Variants in PRSS55 observed in about 807,000 individuals in gnomAD.
PRSS55 encodes probable serine protease UNQ9391/PRO34284.
Under a neutral mutation model 23.6 loss-of-function variants are expected in PRSS55, and 41 were observed. The ratio of observed to expected loss-of-function variants is 1.74; its 90% CI spans 1.35 to 2.26. The LOEUF is 2.26. Ranked by LOEUF, PRSS55 falls within the 30% of genes most tolerant of loss-of-function variation. The pLI, the probability that PRSS55 is intolerant of heterozygous loss-of-function variation, is 0.00. For synonymous variants in PRSS55, 262 were observed against 175.5 expected (o/e 1.49, Z -3.90); for missense variants, 669 against 439.1 (o/e 1.52, Z -4.68).
chr8:10,526,490 G>T (rs1372413799), intron 1 of PRSS55, among the ~76,000 whole-genome samples: 1 of 152,246 alleles, frequency 6.6e-6, no homozygotes, highest in Non-Finnish European at 1.5e-5. Flanking sequence ...ACTGCACTCT[G>T]TGTGAACAAG....
At chr8:10,541,748 C>T (rs574356671), downstream of PRSS55, among the ~76,000 whole-genome samples, 182 of 152,212 alleles carry the variant, frequency 1.2e-3, 1 homozygote, top group Non-Finnish European at 2.2e-3. Flanking sequence ...GAGGTGGAAG[C>T]AATGTTGCTG....
At chr8:10,538,433 C>G in intron 4 of PRSS55, 43 bp from the exon 5 acceptor site, 1 of 1,491,972 alleles carries the variant, frequency 6.7e-7, no homozygotes, top group Non-Finnish European at 9.2e-7. Flanking sequence ...AGATGGGCAG[C>G]TTAGAACCGG....
chr8:10,535,712 G>A (rs765304932), intron 4 of PRSS55, among the ~76,000 whole-genome samples: 4 of 152,030 alleles, frequency 2.6e-5, no homozygotes, highest in East Asian at 1.9e-4. Context: ...AAAATAAAAC[G>A]TTGGCCCAAT....
Position 10,538,694 on chromosome 8 carries a change from G to A in PRSS55, c.960G>A (p.Met320Ile), listed in dbSNP as rs1045104569. ...GGACTTCTGTCAAACAGAAACCTAT[G>A]GGCTCCCCAGTCTCGGGAGTCCCAG... ...KRRTSVKQKPMGSPVSGVPEP... is the reference protein window; with the variant it reads ...KRRTSVKQKPIGSPVSGVPEP... The change falls in exon 5 of 5, where the codon ATG becomes ATA. Residue 320 changes from methionine (M) to isoleucine (I), a missense_variant. Coordinates refer to ENST00000328655, the MANE Select transcript of PRSS55 (RefSeq NM_198464.4). 1 of 1,614,072 alleles carries A rather than the reference G, an allele frequency of 6.2e-7. No homozygotes were observed. The highest frequency in any genetic ancestry group is 1.3e-5 in the African/African-American group (1 of 74,930).
At chr8:10,545,504 C>T (rs970996888) in intron 4 of PRSS55, among the ~76,000 whole-genome samples, 4 of 152,168 alleles carry the variant, frequency 2.6e-5, no homozygotes, top group Non-Finnish European at 4.4e-5. Flanking sequence ...ATGCTTATCT[C>T]TTCTTGGGCC....
intron 2 of PRSS55, 41 bp downstream of exon 2, chr8:10,529,740 C>T (rs780717211): frequency 1.7e-4 from 265 of 1,581,202 alleles, no homozygotes; most frequent in Non-Finnish European, 2.2e-4. Context: ...CTCAGGGCGC[C>T]CACCCCTGGG....
chr8:10,528,230 G>C (rs552438845), intron 1 of PRSS55, among the ~76,000 whole-genome samples: 1 of 150,052 alleles, frequency 6.7e-6, no homozygotes, highest in Non-Finnish European at 1.5e-5. Flanking sequence ...GTCCCGAAGA[G>C]AGCCTTTATG....
chr8:10,546,591 C>A (rs1585894338), intron 4 of PRSS55, among the ~76,000 whole-genome samples: 1 of 152,190 alleles, frequency 6.6e-6, no homozygotes, highest in Admixed American at 6.5e-5. Context: ...AGCCACGGTG[C>A]TCCTGTTGCC....
intron 4 of PRSS55, chr8:10,553,846 G>T (rs930498611): frequency 1.3e-5 from 10 of 748,536 alleles, no homozygotes; most frequent in Non-Finnish European, 2.1e-5. Context: ...TTTAATTGGA[G>T]TAACCATTTC....
rs1264479260 is a variant in PRSS55 at position 10,533,111 on chromosome 8, G to A, written c.741+63G>A. The A allele has an allele frequency of 2.6e-6, 4 of 1,542,282 alleles. No individual in the cohort carries two copies. The East Asian group carries it at 9.0e-5, about 35-fold the overall frequency. ...CACCCTCTGGGAACTGCCAGTGCAA[G>A]GGTATTCTCTCTCTGCTGCAAATAG... is the stretch of plus-strand genomic sequence containing the variant. On this transcript the variant is annotated intron_variant, in intron 4 of 4. Transcript: ENST00000328655.
intron 1 of PRSS55, among the ~76,000 whole-genome samples, chr8:10,528,387 A>C (rs948736349): frequency 4.6e-5 from 7 of 152,218 alleles, no homozygotes; most frequent in African/African-American, 1.7e-4. Context: ...ATAAGCAGCA[A>C]GAAAGAGACA....
chr8:10,554,083 C>T (rs1813009848), exon 5 of PRSS55: 10 of 1,216,718 alleles, frequency 8.2e-6, no homozygotes, highest in Non-Finnish European at 1.1e-5. Context: ...GAAAACATAC[C>T]CTTGGGCATA....
chr8:10,531,811 T>G, intron 3 of PRSS55: 1 of 486,868 alleles, frequency 2.1e-6, no homozygotes, highest in South Asian at 2.6e-5. Context: ...ACTCTGCAGT[T>G]AGCCAGAGGC....
chr8:10,532,181 G>A (rs1057447242), intron 3 of PRSS55, among the ~76,000 whole-genome samples: 7 of 152,184 alleles, frequency 4.6e-5, no homozygotes, highest in African/African-American at 1.4e-4. Flanking sequence ...GCGAGCCTGG[G>A]CCTGGACAAC....
intron 4 of PRSS55, among the ~76,000 whole-genome samples, chr8:10,551,942 T>C (rs1330758366): frequency 2.0e-5 from 3 of 152,184 alleles, no homozygotes; most frequent in African/African-American, 4.8e-5. Context: ...AAAGAGGCAG[T>C]TAAACGACAG....
intron 1 of PRSS55, among the ~76,000 whole-genome samples, chr8:10,528,782 C>T (rs1004866881): frequency 2.6e-5 from 4 of 152,246 alleles, no homozygotes; most frequent in Non-Finnish European, 5.9e-5. Flanking sequence ...CCTTCTGGGG[C>T]TGAATTCAGG....
chr8:10,536,172 G>A (rs34356138), intron 4 of PRSS55, among the ~76,000 whole-genome samples: 28,606 of 152,076 alleles, frequency 0.19, 2,917 homozygotes, highest in East Asian at 0.33. Context: ...GGGTGACAGA[G>A]CGAGACTCTG....
chr8:10,532,794 A>G, intron 3 of PRSS55, 112 bp from the exon 4 acceptor site: 1 of 1,351,088 alleles, frequency 7.4e-7, no homozygotes, highest in Non-Finnish European at 1.0e-6. Context: ...GAGCCTGTGA[A>G]GGAAGGGGAT....
At chr8:10,532,815 G>A (rs1318155222) in intron 3 of PRSS55, 91 bp from the exon 4 acceptor site, 8 of 1,523,920 alleles carry the variant, frequency 5.2e-6, no homozygotes, top group Non-Finnish European at 6.3e-6. Flanking sequence ...GGGGGCTGGG[G>A]GACACAGGGC....
Sources: allele counts gnomAD v4.1 joint callset (sites outside exome capture counted in the v4.1 genomes callset), GRCh38; gene constraint gnomAD v4.1.1; transcripts MANE v1.5; gene names NCBI Gene and HGNC (gene_info 2026-07-23, HGNC 2026-07-21).